The following AFG2A variants were observed in gnomAD, a reference collection of about 807,000 sequenced individuals.
AFG2A encodes the protein ATPase family gene 2 protein homolog A.
At chr4:123,290,893 C>T in the AFG2A span, among the ~76,000 whole-genome samples, 7 of 152,088 alleles carry the variant, frequency 4.6e-5, no homozygotes, top group African/African-American at 9.7e-5. Flanking sequence ...GTTGGTGGAG[C>T]GTTTAAGTCT....
the AFG2A span, among the ~76,000 whole-genome samples, chr4:123,133,419 G>A: frequency 6.6e-6 from 1 of 152,088 alleles, no homozygotes; most frequent in Non-Finnish European, 1.5e-5. Context: ...TTAGAACGTT[G>A]TGGTTACAGG....
At chr4:123,106,624 G>C in the AFG2A span, among the ~76,000 whole-genome samples, 3 of 152,164 alleles carry the variant, frequency 2.0e-5, no homozygotes, top group Non-Finnish European at 4.4e-5. Flanking sequence ...ACCAACCTTT[G>C]ACTATCTTTT....
the AFG2A span, among the ~76,000 whole-genome samples, chr4:123,238,507 C>A: frequency 6.6e-6 from 1 of 152,094 alleles, no homozygotes; most frequent in Admixed American, 6.6e-5. Flanking sequence ...ATATTTGCTG[C>A]TCGGCAGCCT....
chr4:123,227,097 C>G, the AFG2A span, among the ~76,000 whole-genome samples: 3 of 152,058 alleles, frequency 2.0e-5, no homozygotes, highest in Admixed American at 1.3e-4. Context: ...TGATTCTTCT[C>G]TCTTTTCTTC....
the AFG2A span, among the ~76,000 whole-genome samples, chr4:123,240,445 A>G: frequency 1.3e-5 from 2 of 152,224 alleles, no homozygotes; most frequent in South Asian, 4.1e-4. Flanking sequence ...ACCACAGTGC[A>G]ATGAAATTAG....
the AFG2A span, chr4:123,028,298 C>T: frequency 6.2e-7 from 1 of 1,613,970 alleles, no homozygotes; most frequent in African/African-American, 1.3e-5. Flanking sequence ...ATTCAGCCAC[C>T]TAAAGGAGTT....
chr4:123,155,642 A>G, the AFG2A span, among the ~76,000 whole-genome samples: 1 of 151,888 alleles, frequency 6.6e-6, no homozygotes, highest in East Asian at 1.9e-4. Flanking sequence ...TATCTGTAGC[A>G]TTTACATTGT....
At chr4:123,278,568 T>C in the AFG2A span, among the ~76,000 whole-genome samples, 1 of 152,172 alleles carries the variant, frequency 6.6e-6, no homozygotes, top group Non-Finnish European at 1.5e-5. Context: ...GAGATCTTGC[T>C]AACTCTTTGA....
At chr4:122,993,349 T>A in the AFG2A span, among the ~76,000 whole-genome samples, 1 of 152,166 alleles carries the variant, frequency 6.6e-6, no homozygotes, top group Admixed American at 6.6e-5. Context: ...TATATTCTGC[T>A]TTTTTCACTT....
At chr4:123,121,990 C>T in the AFG2A span, among the ~76,000 whole-genome samples, 1 of 152,254 alleles carries the variant, frequency 6.6e-6, no homozygotes, top group Non-Finnish European at 1.5e-5. Flanking sequence ...ATATTATCAC[C>T]TTATGTCTTG....
chr4:123,245,990 G>C, the AFG2A span, among the ~76,000 whole-genome samples: 3,137 of 152,274 alleles, frequency 0.021, 100 homozygotes, highest in African/African-American at 0.071. Context: ...GCTTTATGGG[G>C]AAGTGATTAT....
chr4:122,931,525 A>C, the AFG2A span, among the ~76,000 whole-genome samples: 1 of 152,140 alleles, frequency 6.6e-6, no homozygotes, highest in Non-Finnish European at 1.5e-5. Flanking sequence ...ATACATACAC[A>C]CACATTTTAC....
chr4:122,988,153 C>T, the AFG2A span, among the ~76,000 whole-genome samples: 62 of 151,594 alleles, frequency 4.1e-4, no homozygotes, highest in East Asian at 0.01. Context: ...GAAATCTGGT[C>T]GTAGTCTGAT....
the AFG2A span, among the ~76,000 whole-genome samples, chr4:123,231,105 C>G: frequency 1.3e-5 from 2 of 151,874 alleles, no homozygotes; most frequent in Admixed American, 6.6e-5. Flanking sequence ...GCATTAGCCC[C>G]CAACAAGAGA....
chr4:123,318,517 A>T, the AFG2A span: 1 of 152,306 alleles, frequency 6.6e-6, no homozygotes, highest in South Asian at 2.1e-4. Context: ...ACTAGTAAAA[A>T]TCTGAGTCAT....
the AFG2A span, among the ~76,000 whole-genome samples, chr4:123,084,698 A>G: frequency 4.0e-5 from 6 of 151,890 alleles, no homozygotes; most frequent in Admixed American, 3.9e-4. Flanking sequence ...GTGCGATCAC[A>G]GCTCACTAAG....
the AFG2A span, among the ~76,000 whole-genome samples, chr4:123,012,682 A>G: frequency 6.6e-6 from 1 of 152,186 alleles, no homozygotes; most frequent in African/African-American, 2.4e-5. Context: ...TCTCTACCAG[A>G]AAAGGAAAGG....
At chr4:123,140,519 G>A in the AFG2A span, among the ~76,000 whole-genome samples, 2 of 148,790 alleles carry the variant, frequency 1.3e-5, no homozygotes, top group South Asian at 2.1e-4. Flanking sequence ...TTAAAAAAGC[G>A]ATTCTTTCTT....
At chr4:122,992,986 G>GTGTGTGTGTGGTGTGTGTGTA in the AFG2A span, among the ~76,000 whole-genome samples, 2 of 151,268 alleles carry the variant, frequency 1.3e-5, no homozygotes, top group African/African-American at 4.9e-5. Context: ...ATGTGTGTGT[G>GTGTGTGTGTGGTGTGTGTGTA]TGTGTGTATG....
Sources: gnomAD v4.1 joint callset for allele counts (sites outside exome capture counted in the v4.1 genomes callset) on GRCh38, gnomAD v4.1.1 for gene constraint, MANE v1.5 for transcripts, NCBI Gene and HGNC (gene_info 2026-07-23, HGNC 2026-07-21) for gene names.